The following ABL2 variants were observed in gnomAD, a reference collection of about 807,000 sequenced individuals.
The protein encoded by ABL2 is ABL proto-oncogene 2, non-receptor tyrosine kinase.
Under a neutral mutation model 107.7 loss-of-function variants are expected in ABL2, and 49 were observed. The observed-to-expected ratio is 0.45, with a 90% CI of 0.36 to 0.58. The LOEUF is 0.58. Among genes scored for constraint, ABL2 ranks in the 20% least tolerant of loss-of-function variants. ABL2 has a pLI of 0.00. For synonymous variants in ABL2, 549 were observed against 548.6 expected (o/e 1.00, Z -0.01); for missense variants, 1,245 against 1,457.0 (o/e 0.85, Z 2.37).
Position 179,104,703 on chromosome 1 carries a change from T to G in ABL2, c.*3015A>C, listed in dbSNP as rs1432510801. 11 of 211,834 alleles carry G rather than the reference T, an allele frequency of 5.2e-5. 1 individual carries two copies. In the Admixed American group the frequency reaches 6.4e-4, roughly 12 times the overall value. 13.1% of individuals were successfully genotyped at this position (211,834 alleles called of 1,614,324 possible). ...GATGTATTCAACACAAATCACTGCATTTTAAAGTGGGAAATCTAAACTGAA... is the reference window on the plus strand; with the variant it reads ...GATGTATTCAACACAAATCACTGCAGTTTAAAGTGGGAAATCTAAACTGAA... On this transcript the variant is annotated 3_prime_UTR_variant, in exon 12 of 12. Transcript: ENST00000502732.
intron 1 of ABL2, among the ~76,000 whole-genome samples, chr1:179,164,158 G>A (rs907574557): frequency 5.3e-5 from 8 of 152,036 alleles, no homozygotes; most frequent in African/African-American, 1.7e-4. Flanking sequence ...TCACAGAACC[G>A]TACAATAAAC....
Position 179,110,446 on chromosome 1 carries a change from T to G in ABL2, c.1661A>C (p.Glu554Ala). 1 of 1,610,304 alleles carries G rather than the reference T, an allele frequency of 6.2e-7. No individual in the cohort carries two copies. Among genetic ancestry groups the G allele is most frequent in the Non-Finnish European group, 8.5e-7 (1 of 1,179,122 alleles). ...CGAGGAGGCGGCTCTCCCAAGCTCC[T>G]CAGCTACCTCTGTGAGGAAGACAAG... ...HDSSISEEVA[E>A]ELGRAASSSS... The change falls in exon 11 of 12, where the codon GAG becomes GCG. Residue 554 changes from glutamate to alanine, a missense_variant. Physicochemically the swap from Glu to Ala is moderately radical, Grantham distance 107. This residue lies in a region of ABL2 where 761 missense variants were observed against 766.4 expected (regional missense o/e 0.99). Transcript: ENST00000502732.
Position 179,103,808 on chromosome 1 carries a change from G to C in ABL2, c.*3910C>G. 1 of 230,530 alleles carries C rather than the reference G, an allele frequency of 4.3e-6. No individual in the cohort carries two copies. Among genetic ancestry groups the C allele is most frequent in the East Asian group, 6.2e-5 (1 of 16,242 alleles). The allele number at this position is 230,530 out of a possible 1,614,324, so 14.3% of individuals were successfully genotyped here. ...AGACCCCACAACCATAAAGTCAAGA[G>C]ACTTGAATTCTAGCCTTGGCTCCGC... On this transcript the variant is annotated 3_prime_UTR_variant, in exon 12 of 12. Transcript: ENST00000502732.
intron 1 of ABL2, among the ~76,000 whole-genome samples, chr1:179,149,623 C>T (rs2791935): frequency 0.9 from 137,661 of 152,218 alleles, 62,361 homozygotes; most frequent in East Asian, 1. Flanking sequence ...TTGAAGCCAA[C>T]GCTCATTTGC....
chr1:179,109,560 A>C, intron 11 of ABL2, 119 bp from the exon 12 acceptor site: 2 of 1,422,968 alleles, frequency 1.4e-6, no homozygotes, highest in Non-Finnish European at 1.9e-6. Flanking sequence ...TGTTGGCAGG[A>C]CTCAGAAGCA....
chr1:179,137,024 T>C (rs193113306), intron 1 of ABL2, among the ~76,000 whole-genome samples: 131 of 152,162 alleles, frequency 8.6e-4, no homozygotes, highest in Non-Finnish European at 1.4e-3. Flanking sequence ...TATTCCCTTC[T>C]CTCAAAAAGA....
chr1:179,157,012 G>A (rs1345418203), intron 1 of ABL2, among the ~76,000 whole-genome samples: 2 of 151,932 alleles, frequency 1.3e-5, no homozygotes, highest in Admixed American at 6.6e-5. Context: ...CATTGTTATC[G>A]CTGGCTTTAT....
chr1:179,212,864 T>A (rs1177571977), intron 1 of ABL2, among the ~76,000 whole-genome samples: 1 of 151,356 alleles, frequency 6.6e-6, no homozygotes, highest in Non-Finnish European at 1.5e-5. Flanking sequence ...CTGACCAACA[T>A]GGAGAAACCC....
At chr1:179,229,220 C>T (rs1390184159) in intron 1 of ABL2, 21 bp downstream of exon 1, 11 of 1,283,020 alleles carry the variant, frequency 8.6e-6, no homozygotes, top group East Asian at 6.5e-5. Flanking sequence ...CGCTCTCATG[C>T]CGGCTCCCAG....
At chr1:179,184,436 C>T (rs1660566904) in intron 1 of ABL2, 1 of 996,684 alleles carries the variant, frequency 1.0e-6, no homozygotes, top group Non-Finnish European at 1.5e-6. Flanking sequence ...CACCAGAGAG[C>T]TTCTTTATCT....
At position 179,110,663 on chromosome 1, in the gene ABL2, G is replaced by A; in HGVS notation, c.1652-208C>T. On this transcript the variant is annotated intron_variant, in intron 10 of 11. Transcript: ENST00000502732. ...TCGTCCACGCTGCTGCATGTGGCAG[G>A]GGTTCTCATTGCTGTGTAGCATGCC... is the stretch of plus-strand genomic sequence containing the variant. The A allele has an allele frequency of 1.9e-6, 3 of 1,545,250 alleles. No homozygotes were observed. The Middle Eastern group carries it at 5.3e-4, about 275-fold the overall frequency.
intron 8 of ABL2, chr1:179,117,115 G>GT: frequency 1.8e-6 from 1 of 560,656 alleles, no homozygotes; most frequent in Admixed American, 3.1e-5. Context: ...AATTACAAAC[G>GT]TGAGCCACCA....
chr1:179,182,362 G>A (rs1375922406), intron 1 of ABL2, among the ~76,000 whole-genome samples: 11 of 152,100 alleles, frequency 7.2e-5, no homozygotes, highest in Admixed American at 7.2e-4. Context: ...CCTTAACACT[G>A]CCTGGTGATC....
chr1:179,229,108 C>T, intron 1 of ABL2, 133 bp downstream of exon 1: 1 of 1,157,070 alleles, frequency 8.6e-7, no homozygotes, highest in Non-Finnish European at 1.2e-6. Flanking sequence ...GACCAGATGG[C>T]AGCGGATTCC....
chr1:179,154,335 C>T (rs909947435), intron 1 of ABL2, among the ~76,000 whole-genome samples: 1 of 152,202 alleles, frequency 6.6e-6, no homozygotes, highest in Non-Finnish European at 1.5e-5. Context: ...ACATGTTCCA[C>T]GTCTCCTCTC....
chr1:179,160,338 A>AC (rs11462369), intron 1 of ABL2, among the ~76,000 whole-genome samples: 32,787 of 151,912 alleles, frequency 0.22, 4,500 homozygotes, highest in East Asian at 0.36. Flanking sequence ...ACATAGTGAG[A>AC]CCCCATCTCT....
rs944906311 is a variant in ABL2, at chr1:179,102,578, G to A, written c.*5140C>T. The A allele has an allele frequency of 4.4e-6, 1 of 227,850 alleles. No homozygotes were observed. Among genetic ancestry groups the A allele is most frequent in the Non-Finnish European group, 8.7e-6 (1 of 114,644 alleles). The allele number at this position is 227,850 out of a possible 1,614,324, so 14.1% of individuals were successfully genotyped here. A position where few individuals can be genotyped will look rare whatever the true frequency, so the allele number is the denominator to read the frequency against. On this transcript the variant is annotated 3_prime_UTR_variant, in exon 12 of 12. Coordinates refer to ENST00000502732, the MANE Select transcript of ABL2 (RefSeq NM_007314.4). ...TCATAGCAGATCCTTAGGGCACAGA[G>A]ATGAACCCCAAATCCAGGTGGAACA... is the stretch of plus-strand genomic sequence containing the variant.
chr1:179,191,634 C>A (rs1661021715), intron 1 of ABL2, among the ~76,000 whole-genome samples: 2 of 152,124 alleles, frequency 1.3e-5, no homozygotes, highest in African/African-American at 4.8e-5. Context: ...GTTGTCCAGG[C>A]TGGTCTTGAA....
chr1:179,194,398 G>C lies in ABL2; in HGVS notation c.157+34843C>G, dbSNP rs1181131868. ...AATCAAATCATGAACATTAAGTAGA[G>C]TGCTTCCTAAAGAGCCAGGGGTTAT... On this transcript the variant is annotated intron_variant, in intron 1 of 11. Coordinates refer to ENST00000502732, the MANE Select transcript of ABL2 (RefSeq NM_007314.4). 2.6e-5 allele frequency among the ~76,000 whole-genome samples: 4 copies of C among 152,310 alleles called. No individual in the cohort carries two copies. In the East Asian group the frequency reaches 7.7e-4, roughly 29 times the overall value.
Sources: allele counts gnomAD v4.1 joint callset (sites outside exome capture counted in the v4.1 genomes callset), GRCh38; gene constraint gnomAD v4.1.1; regional missense constraint gnomAD v4.1.1; transcripts MANE v1.5; gene names NCBI Gene and HGNC (gene_info 2026-07-23, HGNC 2026-07-21).